The following KCNH5 variants were observed in gnomAD, a reference collection of about 807,000 sequenced individuals.
KCNH5 encodes voltage-gated delayed rectifier potassium channel KCNH5.
In KCNH5, 46 loss-of-function variants were observed where a neutral mutation model predicts 96.1. The observed-to-expected ratio is 0.48, with a 90% CI of 0.38 to 0.61. The LOEUF (loss-of-function observed/expected upper bound fraction) is 0.61, where lower values mean the gene tolerates loss of function less well. KCNH5 is among the 20% of genes least tolerant of loss of function. KCNH5 has a pLI of 0.00. For missense variants in KCNH5, 907 were observed against 1,225.8 expected (o/e 0.74, Z 3.88); for synonymous variants, 439 against 449.8 (o/e 0.98, Z 0.30).
chr14:62,835,179 C>G (rs1248267619), intron 8 of KCNH5, among the ~76,000 whole-genome samples: 2 of 151,982 alleles, frequency 1.3e-5, no homozygotes, highest in African/African-American at 4.8e-5. Flanking sequence ...CAACGACATT[C>G]CAGGTGGCTG....
intron 7 of KCNH5, among the ~76,000 whole-genome samples, chr14:62,915,041 G>A (rs575504352): frequency 2.4e-4 from 37 of 152,304 alleles, no homozygotes; most frequent in African/African-American, 7.2e-4. Context: ...AGTGTCTTAC[G>A]GAATCAGACC....
intron 7 of KCNH5, among the ~76,000 whole-genome samples, chr14:62,883,723 C>T (rs535107862): frequency 1.9e-4 from 29 of 152,072 alleles, no homozygotes; most frequent in Middle Eastern, 3.4e-3. Context: ...ACGTTACACA[C>T]TGTTGTCCTT....
intron 8 of KCNH5, among the ~76,000 whole-genome samples, chr14:62,805,393 C>G (rs1886746289): frequency 6.6e-6 from 1 of 152,110 alleles, no homozygotes. Flanking sequence ...ATGGTATCTA[C>G]TTATATCCAG....
chr14:62,872,718 G>C (rs1420273721), intron 7 of KCNH5, among the ~76,000 whole-genome samples: 1 of 151,912 alleles, frequency 6.6e-6, no homozygotes, highest in East Asian at 1.9e-4. Flanking sequence ...TCTTAGCTCA[G>C]TGCACACTGT....
intron 7 of KCNH5, among the ~76,000 whole-genome samples, chr14:62,909,032 A>ATTTTTTTTTTTT (rs58920666): frequency 1.7e-5 from 1 of 57,926 alleles, no homozygotes; most frequent in Non-Finnish European, 2.9e-5. Flanking sequence ...TATGCTACGT[A>ATTTTTTTTTTTT]TTTTTTTTTT....
chr14:62,888,982 T>C (rs534212015), intron 7 of KCNH5, among the ~76,000 whole-genome samples: 1 of 152,302 alleles, frequency 6.6e-6, no homozygotes, highest in African/African-American at 2.4e-5. Context: ...TGGAGTCAAA[T>C]TTATCCTTAA....
At chr14:62,916,995 A>C (rs1889287723) in intron 7 of KCNH5, among the ~76,000 whole-genome samples, 1 of 152,224 alleles carries the variant, frequency 6.6e-6, no homozygotes, top group Admixed American at 6.5e-5. Context: ...AAAGAGGTTC[A>C]TTTTCTAGAA....
At chr14:62,820,901 C>T (rs1887101440) in intron 8 of KCNH5, among the ~76,000 whole-genome samples, 1 of 151,928 alleles carries the variant, frequency 6.6e-6, no homozygotes, top group South Asian at 2.1e-4. Flanking sequence ...GGCATATATG[C>T]AGTAATGGGA....
At position 62,703,737 on chromosome 14, in the gene KCNH5, TA is replaced by T. The variant is rs1206647096; in HGVS notation, c.*3770del. 6.6e-6 allele frequency: 1 copy of T among 151,884 alleles called. No individual in the cohort carries two copies. The highest frequency in any genetic ancestry group is 2.4e-5 in the African/African-American group (1 of 41,426). The allele number at this position is 151,884 out of a possible 1,614,324, so 9.4% of individuals were successfully genotyped here. On this transcript the variant is annotated 3_prime_UTR_variant, in exon 11 of 11. Coordinates refer to ENST00000322893, the MANE Select transcript of KCNH5 (RefSeq NM_139318.5). Reference sequence around the variant, plus strand: ...TTATAGCACAACATTCACATGATTATAAAATATTCATATTTGAAAGTTATCC... The same window carrying T: ...TTATAGCACAACATTCACATGATTATAAATATTCATATTTGAAAGTTATCC...
intron 10 of KCNH5, among the ~76,000 whole-genome samples, chr14:62,768,542 G>C (rs1885914766): frequency 6.6e-6 from 1 of 152,136 alleles, no homozygotes; most frequent in Admixed American, 6.5e-5. Flanking sequence ...GGTGAGGCAG[G>C]ACTCAGACCT....
At chr14:62,856,107 G>T (rs530754210) in intron 7 of KCNH5, among the ~76,000 whole-genome samples, 1 of 152,120 alleles carries the variant, frequency 6.6e-6, no homozygotes, top group South Asian at 2.1e-4. Context: ...ATTTCTCGGG[G>T]TTAAACAATT....
In KCNH5 at chr14:63,045,104, C is replaced by G; in HGVS notation, c.73+10G>C. 1 of 1,611,874 alleles carries G rather than the reference C, an allele frequency of 6.2e-7. No homozygotes were observed. The highest frequency in any genetic ancestry group is 8.5e-7 in the Non-Finnish European group (1 of 1,178,224). ...GAGGTGGGGGTGTTCTGAACTACAA[C>G]TCTCCTTACCACTGGAGCGCCTGAC... On this transcript the variant is annotated intron_variant, in intron 1 of 10. Transcript: ENST00000322893.
intron 10 of KCNH5, among the ~76,000 whole-genome samples, chr14:62,731,522 T>C (rs1885050629): frequency 6.6e-6 from 1 of 152,072 alleles, no homozygotes; most frequent in South Asian, 2.1e-4. Context: ...TATATAAACA[T>C]ACTACAATTT....
chr14:62,983,690 A>T (rs1890653245), intron 5 of KCNH5, among the ~76,000 whole-genome samples: 1 of 152,176 alleles, frequency 6.6e-6, no homozygotes, highest in African/African-American at 2.4e-5. Flanking sequence ...CTGGCTATAT[A>T]TTAGAATCAT....
chr14:62,894,081 GA>G, intron 7 of KCNH5, among the ~76,000 whole-genome samples: 1 of 152,266 alleles, frequency 6.6e-6, no homozygotes, highest in East Asian at 1.9e-4. Flanking sequence ...ATTAAGGTAT[GA>G]ACATTGTTTT....
intron 6 of KCNH5, among the ~76,000 whole-genome samples, chr14:62,974,404 C>T (rs1472132634): frequency 1.3e-5 from 2 of 152,196 alleles, no homozygotes; most frequent in Non-Finnish European, 2.9e-5. Flanking sequence ...TATTCAAATG[C>T]ATACTACAAA....
At chr14:62,760,009 C>A (rs147762752) in intron 10 of KCNH5, among the ~76,000 whole-genome samples, 22 of 152,268 alleles carry the variant, frequency 1.4e-4, no homozygotes, top group African/African-American at 5.1e-4. Context: ...ATTTCAATAA[C>A]AAGCCACTTG....
intron 1 of KCNH5, among the ~76,000 whole-genome samples, chr14:63,023,757 T>C (rs73262409): frequency 0.036 from 5,456 of 152,136 alleles, 322 homozygotes; most frequent in African/African-American, 0.12. Flanking sequence ...TTTAAGAAAA[T>C]TAAAATCATA....
chr14:62,879,732 T>G (rs1888455254), intron 7 of KCNH5, among the ~76,000 whole-genome samples: 1 of 152,184 alleles, frequency 6.6e-6, no homozygotes, highest in Non-Finnish European at 1.5e-5. Context: ...ATTTGATTTG[T>G]AATTTAATGT....
Sources: allele counts gnomAD v4.1 joint callset (sites outside exome capture counted in the v4.1 genomes callset), GRCh38; gene constraint gnomAD v4.1.1; transcripts MANE v1.5; gene names NCBI Gene and HGNC (gene_info 2026-07-23, HGNC 2026-07-21).